Variants in TMEM196 observed in about 807,000 individuals in gnomAD.
TMEM196 encodes the protein transmembrane protein 196.
In TMEM196, 17 loss-of-function variants were observed where a neutral mutation model predicts 20.0. That is an observed-to-expected ratio of 0.85 (90% CI 0.58 to 1.27). TMEM196 has a LOEUF of 1.27. Ranked by LOEUF, TMEM196 falls within the 50% of genes most tolerant of loss-of-function variation. The probability of loss-of-function intolerance (pLI) is 0.00; values close to 1 mark genes in which losing one functional copy is unlikely to be tolerated. For missense variants in TMEM196, 267 were observed against 223.0 expected, an observed-to-expected ratio of 1.20 and a Z score of -1.26; for synonymous variants, 113 against 88.9, an observed-to-expected ratio of 1.27 and a Z score of -1.52.
intron 1 of TMEM196, among the ~76,000 whole-genome samples, chr7:19,730,845 A>G (rs1403085524): frequency 1.3e-5 from 2 of 152,204 alleles, no homozygotes; most frequent in South Asian, 2.1e-4. Context: ...TAGGGAACAC[A>G]GAATATATAA....
At chr7:19,731,899 T>A (rs947449100) in intron 1 of TMEM196, among the ~76,000 whole-genome samples, 3 of 152,150 alleles carry the variant, frequency 2.0e-5, no homozygotes, top group Non-Finnish European at 2.9e-5. Context: ...TCTGTTAGAG[T>A]ATCCAAAATC....
chr7:19,736,524 G>C (rs1784414719), intron 1 of TMEM196, among the ~76,000 whole-genome samples: 1 of 151,332 alleles, frequency 6.6e-6, no homozygotes, highest in Admixed American at 6.6e-5. Flanking sequence ...TTAAAAATTA[G>C]AGTATCCGGG....
intron 1 of TMEM196, among the ~76,000 whole-genome samples, chr7:19,730,268 A>G (rs1784155639): frequency 6.6e-6 from 1 of 151,956 alleles, no homozygotes; most frequent in African/African-American, 2.4e-5. Flanking sequence ...AAAAGAAAAA[A>G]AAAAAAAAGA....
At chr7:19,750,307 G>A (rs1265870358) in intron 1 of TMEM196, among the ~76,000 whole-genome samples, 1 of 152,080 alleles carries the variant, frequency 6.6e-6, no homozygotes, top group African/African-American at 2.4e-5. Flanking sequence ...CACAATGTAA[G>A]CATATATCAA....
chr7:19,768,458 T>C (rs1439705073), intron 1 of TMEM196, among the ~76,000 whole-genome samples: 1 of 152,122 alleles, frequency 6.6e-6, no homozygotes, highest in Non-Finnish European at 1.5e-5. Flanking sequence ...CTAAACCTAG[T>C]CCATTCCCAT....
rs182706818 is a variant in TMEM196, at chr7:19,772,844, G to A, written c.-148C>T. On this transcript the variant is annotated 5_prime_UTR_variant, in exon 1 of 5. Transcript: ENST00000405844. ...AGCGAGGCATTATCCACAAGGGCTG[G>A]ATTTCCAGAAACGAAGACCTTCCCT... 9.0e-6 allele frequency: 7 copies of A among 774,210 alleles called. No homozygotes were observed. In the East Asian group the frequency reaches 2.0e-4, roughly 22 times the overall value. The allele number at this position is 774,210 out of a possible 1,614,324, so 48.0% of individuals were successfully genotyped here.
At chr7:19,753,202 G>A (rs1785062175) in intron 1 of TMEM196, among the ~76,000 whole-genome samples, 1 of 151,836 alleles carries the variant, frequency 6.6e-6, no homozygotes, top group African/African-American at 2.4e-5. Flanking sequence ...TTTTTTATGT[G>A]GCTTATTACG....
intron 1 of TMEM196, among the ~76,000 whole-genome samples, chr7:19,769,166 A>G (rs1785760109): frequency 6.6e-6 from 1 of 152,142 alleles, no homozygotes; most frequent in Non-Finnish European, 1.5e-5. Flanking sequence ...GACTACATGT[A>G]TTGTGACAGG....
rs373357958 is a variant in TMEM196 at position 19,766,184 on chromosome 7, G to A, written c.147+6366C>T. The stretch of plus-strand genomic sequence containing the variant: ...TTTTCCACTGATACCGTTATATTGA[G>A]TGAGATGTATAAATCTAATCTGATT... On this transcript the variant is annotated intron_variant, in intron 1 of 4. Transcript: ENST00000405844. 3.5e-4 allele frequency among the ~76,000 whole-genome samples: 54 copies of A among 152,260 alleles called. 1 individual carries two copies. The highest frequency in any genetic ancestry group is 1.3e-3 in the African/African-American group (54 of 41,550).
intron 1 of TMEM196, among the ~76,000 whole-genome samples, chr7:19,761,919 C>G (rs577481806): frequency 6.6e-6 from 1 of 152,208 alleles, no homozygotes; most frequent in Non-Finnish European, 1.5e-5. Flanking sequence ...ACATCTCCCC[C>G]TCAGTGTTCA....
intron 2 of TMEM196, 52 bp from the exon 3 acceptor site, chr7:19,725,820 G>T: frequency 6.5e-7 from 1 of 1,530,210 alleles, no homozygotes; most frequent in South Asian, 1.3e-5. Flanking sequence ...AACCTGACCA[G>T]AACACAGTTG....
chr7:19,730,903 A>T (rs1220828947), intron 1 of TMEM196, among the ~76,000 whole-genome samples: 1 of 152,210 alleles, frequency 6.6e-6, no homozygotes, highest in African/African-American at 2.4e-5. Flanking sequence ...TGGAAAGGAA[A>T]GGATTATTTG....
intron 3 of TMEM196, 37 bp downstream of exon 3, chr7:19,725,477 A>G (rs755461782): frequency 1.3e-6 from 2 of 1,571,082 alleles, no homozygotes; most frequent in East Asian, 2.3e-5. Context: ...AGTCTTCATC[A>G]TGTGCTAGCA....
chr7:19,761,982 TTC>T (rs560822725), intron 1 of TMEM196, among the ~76,000 whole-genome samples: 1 of 152,354 alleles, frequency 6.6e-6, no homozygotes, highest in South Asian at 2.1e-4. Flanking sequence ...TCTGTTCCAA[TTC>T]TGTTTTGTGA....
At chr7:19,759,788 C>T (rs1184659472) in intron 1 of TMEM196, among the ~76,000 whole-genome samples, 3 of 152,162 alleles carry the variant, frequency 2.0e-5, no homozygotes, top group Non-Finnish European at 4.4e-5. Context: ...TCTATAATGG[C>T]ATAAAATTGA....
rs144687495 is a variant in TMEM196 at position 19,745,908 on chromosome 7, A to T, written c.148-16470T>A. 6.6e-5 allele frequency among the ~76,000 whole-genome samples: 10 copies of T among 151,930 alleles called. No homozygotes were observed. The East Asian group carries it at 1.9e-3, about 29-fold the overall frequency. ...GCATTTTGTTCTGATTGATATCCAG[A>T]TTTTAAAAAATCAAATAACTCAGAG... On this transcript the variant is annotated intron_variant, in intron 1 of 4. Transcript: ENST00000405844.
intron 1 of TMEM196, among the ~76,000 whole-genome samples, chr7:19,770,086 C>A (rs943697604): frequency 2.0e-5 from 3 of 152,142 alleles, no homozygotes; most frequent in Admixed American, 6.5e-5. Context: ...GTTAACACTG[C>A]AGTACATTGA....
chr7:19,764,783 G>T (rs958259817), intron 1 of TMEM196, among the ~76,000 whole-genome samples: 3 of 152,086 alleles, frequency 2.0e-5, no homozygotes, highest in Non-Finnish European at 4.4e-5. Flanking sequence ...TAACATGGAG[G>T]TTGTGCTTGT....
intron 1 of TMEM196, among the ~76,000 whole-genome samples, chr7:19,735,487 G>T (rs1469117011): frequency 3.3e-5 from 5 of 151,804 alleles, no homozygotes; most frequent in African/African-American, 1.2e-4. Flanking sequence ...TCTTTCTCTT[G>T]CACTGGCCTA....
Sources: gnomAD v4.1 joint callset for allele counts (sites outside exome capture counted in the v4.1 genomes callset) on GRCh38, gnomAD v4.1.1 for gene constraint, MANE v1.5 for transcripts, NCBI Gene and HGNC (gene_info 2026-07-23, HGNC 2026-07-21) for gene names.